COMMD1: variants seen among roughly 807,000 people sequenced by gnomAD.
COMMD1 encodes the protein copper metabolism domain containing 1, also known as COMM domain-containing protein 1.
Under a neutral mutation model 17.2 loss-of-function variants are expected in COMMD1, and 10 were observed. That is an observed-to-expected ratio of 0.58 (90% CI 0.36 to 0.99). The LOEUF is 0.99. Among genes scored for constraint, COMMD1 ranks in the 50% least tolerant of loss-of-function variants. The pLI, the probability that COMMD1 is intolerant of heterozygous loss-of-function variation, is 0.01. For synonymous variants in COMMD1, 97 were observed against 91.6 expected, an observed-to-expected ratio of 1.06 and a Z score of -0.34; for missense variants, 270 against 231.8, an observed-to-expected ratio of 1.17 and a Z score of -1.07.
Position 62,101,617 on chromosome 2 carries a change from C to T in COMMD1, c.463-34214C>T. 2.6e-5 allele frequency among the ~76,000 whole-genome samples: 4 copies of T among 151,912 alleles called. No homozygotes were observed. The South Asian group carries it at 8.3e-4, about 32-fold the overall frequency. On this transcript the variant is annotated intron_variant, in intron 2 of 2. Transcript: ENST00000311832. ...AGAACAAGACCCTGTCTCTCTCTCT[C>T]TCTATATATATATATATGGTCCCCA...
At chr2:62,075,079 G>A (rs1671305117) in intron 2 of COMMD1, among the ~76,000 whole-genome samples, 2 of 151,874 alleles carry the variant, frequency 1.3e-5, no homozygotes, top group Non-Finnish European at 2.9e-5. Flanking sequence ...AGTAGAGACA[G>A]GGTTTCGCCA....
At chr2:61,993,517 A>G (rs1668652848) in intron 1 of COMMD1, among the ~76,000 whole-genome samples, 1 of 152,192 alleles carries the variant, frequency 6.6e-6, no homozygotes, top group Admixed American at 6.5e-5. Flanking sequence ...TTAAAATTGT[A>G]CTTCAGGATT....
intron 1 of COMMD1, among the ~76,000 whole-genome samples, chr2:61,918,199 A>G (rs552819914): frequency 1.2e-3 from 187 of 152,342 alleles, no homozygotes; most frequent in African/African-American, 4.3e-3. Context: ...TAAATATTTG[A>G]CTTGATATTT....
intron 1 of COMMD1, among the ~76,000 whole-genome samples, chr2:61,928,915 C>G (rs1036542351): frequency 1.3e-5 from 2 of 152,194 alleles, no homozygotes; most frequent in South Asian, 2.1e-4. Flanking sequence ...TGTGTTTACT[C>G]AGGAATAGAA....
intron 2 of COMMD1, among the ~76,000 whole-genome samples, chr2:62,058,858 T>G (rs1348754360): frequency 6.6e-6 from 1 of 152,090 alleles, no homozygotes; most frequent in East Asian, 1.9e-4. Context: ...TCAGTTCACC[T>G]CAACCTCTGC....
At chr2:61,916,296 C>A (rs1670049847) in intron 1 of COMMD1, among the ~76,000 whole-genome samples, 1 of 152,096 alleles carries the variant, frequency 6.6e-6, no homozygotes, top group African/African-American at 2.4e-5. Context: ...TTCATTTAAT[C>A]ATGTTTTAAA....
intron 2 of COMMD1, among the ~76,000 whole-genome samples, chr2:62,030,625 C>T (rs559873097): frequency 1.3e-5 from 2 of 152,196 alleles, no homozygotes; most frequent in East Asian, 3.9e-4. Flanking sequence ...GGAAAGAATT[C>T]TTCATATGTT....
chr2:62,077,080 A>G (rs1002265276), intron 2 of COMMD1, among the ~76,000 whole-genome samples: 3 of 152,092 alleles, frequency 2.0e-5, no homozygotes, highest in Admixed American at 6.6e-5. Context: ...GCAGTGTGCT[A>G]TGATTGCACC....
chr2:61,996,084 A>G (rs1668747513), intron 1 of COMMD1, among the ~76,000 whole-genome samples: 1 of 152,152 alleles, frequency 6.6e-6, no homozygotes, highest in Non-Finnish European at 1.5e-5. Flanking sequence ...ATACTTTATT[A>G]CTATTCAAGA....
intron 1 of COMMD1, among the ~76,000 whole-genome samples, chr2:61,913,908 A>G (rs571510778): frequency 3.9e-4 from 59 of 151,762 alleles, no homozygotes; most frequent in Middle Eastern, 6.9e-3. Context: ...GCGGTGGCTC[A>G]CGCCTGTAAT....
chr2:62,001,727 A>G (rs535120827), intron 2 of COMMD1, among the ~76,000 whole-genome samples: 1 of 152,338 alleles, frequency 6.6e-6, no homozygotes, highest in African/African-American at 2.4e-5. Context: ...AAGTGCTTCT[A>G]TTATATCCTA....
At chr2:62,122,108 T>C (rs1283458440) in intron 2 of COMMD1, among the ~76,000 whole-genome samples, 1 of 152,222 alleles carries the variant, frequency 6.6e-6, no homozygotes, top group African/African-American at 2.4e-5. Context: ...ATTTATTTTG[T>C]ACAGCCCTTT....
chr2:62,084,575 T>C (rs973646048), intron 2 of COMMD1, among the ~76,000 whole-genome samples: 1 of 152,202 alleles, frequency 6.6e-6, no homozygotes, highest in African/African-American at 2.4e-5. Flanking sequence ...TTCACACTCA[T>C]ATTGTTCAAG....
chr2:61,946,319 C>T (rs1670904211), intron 1 of COMMD1, among the ~76,000 whole-genome samples: 1 of 152,100 alleles, frequency 6.6e-6, no homozygotes. Context: ...GGAAAAATCT[C>T]AGTTTGAGAT....
rs187277589 is a variant in COMMD1 at position 61,946,661 on chromosome 2, C to T, written c.180+40803C>T. Among the ~76,000 whole-genome samples the T allele has an allele frequency of 1.8e-4, 28 of 152,254 alleles. No individual in the cohort carries two copies. In the East Asian group the frequency reaches 2.9e-3, roughly 16 times the overall value. On this transcript the variant is annotated intron_variant, in intron 1 of 2. Transcript: ENST00000311832. ...CTATTACTAGTTTTACTACACTATA[C>T]ATCAGTACACTATTGATATTAAAGC...
chr2:61,953,255 C>T (rs575813659), intron 1 of COMMD1, among the ~76,000 whole-genome samples: 11 of 152,164 alleles, frequency 7.2e-5, no homozygotes, highest in Non-Finnish European at 1.5e-4. Context: ...GGTAATCTGC[C>T]AGCCTCGGCC....
At chr2:62,017,671 C>T (rs939668420) in intron 2 of COMMD1, among the ~76,000 whole-genome samples, 1 of 143,882 alleles carries the variant, frequency 7.0e-6, no homozygotes, top group Non-Finnish European at 1.5e-5. Context: ...ACCCTGTCTC[C>T]AAAAAAAGAA....
At chr2:62,060,426 T>C (rs1167600614) in intron 2 of COMMD1, among the ~76,000 whole-genome samples, 2 of 152,194 alleles carry the variant, frequency 1.3e-5, no homozygotes, top group African/African-American at 2.4e-5. Flanking sequence ...TTTTATGCAG[T>C]AGTTGTCATG....
At chr2:61,955,780 G>A (rs1038648992) in intron 1 of COMMD1, among the ~76,000 whole-genome samples, 9 of 152,038 alleles carry the variant, frequency 5.9e-5, no homozygotes, top group African/African-American at 2.2e-4. Flanking sequence ...CCGCCTCCTG[G>A]GTTCAAGTGA....
Sources: gnomAD v4.1 joint callset for allele counts (sites outside exome capture counted in the v4.1 genomes callset) on GRCh38, gnomAD v4.1.1 for gene constraint, MANE v1.5 for transcripts, NCBI Gene and HGNC (gene_info 2026-07-23, HGNC 2026-07-21) for gene names.